ALLC: variants seen among roughly 807,000 people sequenced by gnomAD.
The protein encoded by ALLC is allantoicase.
In ALLC, 40 loss-of-function variants were observed where a neutral mutation model predicts 45.0. The observed-to-expected ratio is 0.89, with a 90% CI of 0.69 to 1.16. The LOEUF is 1.16. ALLC is among the 50% of genes most tolerant of loss of function. The pLI is 0.00. For missense variants in ALLC, 488 were observed against 493.1 expected, an observed-to-expected ratio of 0.99 and a Z score of 0.10; for synonymous variants, 176 against 178.1, an observed-to-expected ratio of 0.99 and a Z score of 0.09.
rs1667670733 is a variant in ALLC at position 3,696,314 on chromosome 2, C to T, written c.707C>T (p.Thr236Ile). ...AAGTCTATGGCGGATGGTTGGGAAA[C>T]TGCAAGAAGGCTGGACCGGCCACCA... ...GAKSMADGWE[T>I]ARRLDRPPIL... The change falls in exon 9 of 12, where the codon ACT (threonine) becomes ATT (isoleucine). Residue 236 changes from threonine to isoleucine, a missense_variant. Thr to Ile is a moderately conservative substitution (Grantham distance 89). Transcript: ENST00000252505. 6.2e-7 allele frequency: 1 copy of T among 1,613,710 alleles called. No individual in the cohort carries two copies. Among genetic ancestry groups the T allele is most frequent in the Middle Eastern group, 1.6e-4 (1 of 6,062 alleles).
At chr2:3,676,935 C>CTG (rs1572515446) in intron 3 of ALLC, among the ~76,000 whole-genome samples, 1 of 152,030 alleles carries the variant, frequency 6.6e-6, no homozygotes, top group East Asian at 1.9e-4. Context: ...CTACAGGCAC[C>CTG]CGCCACCACG....
chr2:3,676,725 T>C lies in ALLC; in HGVS notation c.85-1743T>C, dbSNP rs557001975. ...TGACATTTTGCACGTATTGAAAACATCCTTGTACAAGTGTGTGCACGTGTG... is the reference window on the plus strand; with the variant it reads ...TGACATTTTGCACGTATTGAAAACACCCTTGTACAAGTGTGTGCACGTGTG... On this transcript the variant is annotated intron_variant, in intron 3 of 11. Coordinates refer to ENST00000252505, the MANE Select transcript of ALLC (RefSeq NM_018436.4). 1.6e-4 allele frequency among the ~76,000 whole-genome samples: 24 copies of C among 152,300 alleles called. No homozygotes were observed. The East Asian group carries it at 3.5e-3, about 22-fold the overall frequency.
chr2:3,660,400 C>T (rs1666543159), intron 1 of ALLC, among the ~76,000 whole-genome samples: 1 of 152,128 alleles, frequency 6.6e-6, no homozygotes, highest in Non-Finnish European at 1.5e-5. Context: ...TCAGGCATTC[C>T]TTCACAGCGA....
intron 1 of ALLC, among the ~76,000 whole-genome samples, chr2:3,663,612 C>T (rs1174565833): frequency 6.6e-6 from 1 of 151,684 alleles, no homozygotes; most frequent in Non-Finnish European, 1.5e-5. Context: ...ATGTCAGAAA[C>T]AGTATCTGCC....
chr2:3,665,384 A>G (rs763849962), intron 1 of ALLC, among the ~76,000 whole-genome samples: 15 of 152,014 alleles, frequency 9.9e-5, no homozygotes, highest in Non-Finnish European at 2.2e-4. Flanking sequence ...AACGTGTGCC[A>G]TGGTGGTTTG....
intron 3 of ALLC, among the ~76,000 whole-genome samples, chr2:3,675,241 T>A (rs1666992181): frequency 6.6e-6 from 1 of 151,948 alleles, no homozygotes. Flanking sequence ...ATAAAAAATA[T>A]TATCCAGGCA....
intron 7 of ALLC, among the ~76,000 whole-genome samples, chr2:3,687,551 G>A (rs1220954639): frequency 2.0e-5 from 3 of 150,894 alleles, no homozygotes; most frequent in African/African-American, 7.3e-5. Context: ...ATTCAGCAGG[G>A]AAGCCATTAG....
chr2:3,675,886 G>A (rs1422119614), intron 3 of ALLC, among the ~76,000 whole-genome samples: 1 of 152,240 alleles, frequency 6.6e-6, no homozygotes, highest in Non-Finnish European at 1.5e-5. Context: ...TCTGGGGGCT[G>A]GAAGTCTGAG....
intron 3 of ALLC, among the ~76,000 whole-genome samples, chr2:3,675,811 G>C (rs371554064): frequency 1.3e-5 from 2 of 152,370 alleles, no homozygotes; most frequent in African/African-American, 4.8e-5. Context: ...ACTTTAGGCT[G>C]TTGGGGCTGC....
Position 3,700,748 on chromosome 2 carries a change from G to A in ALLC, c.851-764G>A, listed in dbSNP as rs541067304. ...TTCTCTACTTGCATCCTTTGTGTCC[G>A]TATGCACCCCAGGGGCATGTTCGCC... is the stretch of plus-strand genomic sequence containing the variant. On this transcript the variant is annotated intron_variant, in intron 10 of 11. Coordinates refer to ENST00000252505, the MANE Select transcript of ALLC (RefSeq NM_018436.4). Among the ~76,000 whole-genome samples, 8 of 152,228 alleles carry A rather than the reference G, an allele frequency of 5.3e-5. No homozygotes were observed. In the South Asian group the frequency reaches 6.2e-4, roughly 12 times the overall value.
At chr2:3,651,110 G>C in the ALLC span, among the ~76,000 whole-genome samples, 7 of 151,986 alleles carry the variant, frequency 4.6e-5, no homozygotes, top group Admixed American at 4.6e-4. Flanking sequence ...GCCCTCTGAA[G>C]CGTGGGCTGA....
At chr2:3,685,672 C>T (rs1176886788) in intron 7 of ALLC, among the ~76,000 whole-genome samples, 1 of 150,848 alleles carries the variant, frequency 6.6e-6, no homozygotes, top group Non-Finnish European at 1.5e-5. Flanking sequence ...TGTCAAAAGC[C>T]ATTTCAACTG....
the ALLC span, among the ~76,000 whole-genome samples, chr2:3,651,442 T>TGTGTGTGTGTGTGTG: frequency 6.6e-3 from 169 of 25,596 alleles, 60 homozygotes; most frequent in Admixed American, 0.018. Context: ...TGTGTGTGTG[T>TGTGTGTGTGTGTGTG]TAGGAAGGGA....
Position 3,679,893 on chromosome 2 carries a change from T to TG in ALLC, c.201dup (p.Ile68AspfsTer34), listed in dbSNP as rs1451860518. ...GGTCACGACTGGTGTGTCCTCAGGC[T>TG]GGGGATCCAAGGAGTCATCCGGGGC... is the stretch of plus-strand genomic sequence containing the variant. On this transcript the variant is annotated frameshift_variant, in exon 5 of 12. Coordinates refer to ENST00000252505, the MANE Select transcript of ALLC (RefSeq NM_018436.4). LOFTEE classifies it high-confidence loss of function. 1.2e-6 allele frequency: 2 copies of TG among 1,613,952 alleles called. No homozygotes were observed. The highest frequency in any genetic ancestry group is 3.3e-5 in the Admixed American group (2 of 60,026).
chr2:3,672,043 ACC>A (rs1666890670), intron 2 of ALLC, among the ~76,000 whole-genome samples: 1 of 110,532 alleles, frequency 9.0e-6, no homozygotes, highest in Admixed American at 7.8e-5. Flanking sequence ...CTCTAGTTAG[ACC>A]TGTGGTCCTC....
intron 6 of ALLC, among the ~76,000 whole-genome samples, chr2:3,682,069 CGGG>C (rs1050270960): frequency 6.6e-6 from 1 of 151,510 alleles, no homozygotes; most frequent in African/African-American, 2.4e-5. Context: ...ATAAAAGAAA[CGGG>C]GGAAAAAAAT....
the ALLC span, among the ~76,000 whole-genome samples, chr2:3,652,530 C>T: frequency 3.3e-5 from 5 of 149,896 alleles, no homozygotes; most frequent in Non-Finnish European, 5.9e-5. Flanking sequence ...TCCCAAACAG[C>T]GTATATCAGT....
At chr2:3,652,520 T>C in the ALLC span, among the ~76,000 whole-genome samples, 1 of 151,484 alleles carries the variant, frequency 6.6e-6, no homozygotes, top group South Asian at 2.1e-4. Context: ...GATGGAGATA[T>C]CCCAAACAGC....
At chr2:3,688,607 T>G (rs1175097337) in intron 7 of ALLC, 1 of 202,956 alleles carries the variant, frequency 4.9e-6, no homozygotes, top group Non-Finnish European at 1.0e-5. Flanking sequence ...ATAAGGGGCA[T>G]CAGCAGAGGG....
Sources: gnomAD v4.1 joint callset for allele counts (sites outside exome capture counted in the v4.1 genomes callset) on GRCh38, gnomAD v4.1.1 for gene constraint, MANE v1.5 for transcripts, NCBI Gene and HGNC (gene_info 2026-07-23, HGNC 2026-07-21) for gene names.